The following WDR70 variants were observed in gnomAD, a reference collection of about 807,000 sequenced individuals.
The protein encoded by WDR70 is WD repeat-containing protein 70.
In WDR70, 53 loss-of-function variants were observed where a neutral mutation model predicts 88.6. The ratio of observed to expected loss-of-function variants is 0.60; its 90% CI spans 0.48 to 0.75. The LOEUF (loss-of-function observed/expected upper bound fraction) is 0.75. Ranked by LOEUF, WDR70 falls within the 30% of genes least tolerant of loss-of-function variation. WDR70 has a pLI of 0.00. For missense variants in WDR70, 610 were observed against 823.2 expected (o/e 0.74, Z 3.17); for synonymous variants, 280 against 270.0 (o/e 1.04, Z -0.36).
chr5:37,541,478 A>G (rs889956069), intron 9 of WDR70, among the ~76,000 whole-genome samples: 1 of 152,184 alleles, frequency 6.6e-6, no homozygotes, highest in Non-Finnish European at 1.5e-5. Flanking sequence ...AGTGTTTGTT[A>G]TTTTTATCTA....
At chr5:37,745,381 C>T (rs1413504208) in intron 17 of WDR70, among the ~76,000 whole-genome samples, 1 of 150,582 alleles carries the variant, frequency 6.6e-6, no homozygotes, top group Non-Finnish European at 1.5e-5. Context: ...TGCAAAGTAA[C>T]CAAATAGCAT....
intron 10 of WDR70, among the ~76,000 whole-genome samples, chr5:37,639,293 G>A (rs1485811714): frequency 6.6e-6 from 1 of 152,100 alleles, no homozygotes; most frequent in Non-Finnish European, 1.5e-5. Context: ...GGTGGATATG[G>A]AAATTATTAT....
intron 7 of WDR70, among the ~76,000 whole-genome samples, chr5:37,445,245 G>T (rs898758871): frequency 1.2e-4 from 18 of 152,008 alleles, no homozygotes; most frequent in African/African-American, 4.3e-4. Flanking sequence ...TTCCTTCATT[G>T]TAAAGTTAAT....
chr5:37,525,337 G>C (rs928027792), intron 9 of WDR70, among the ~76,000 whole-genome samples: 1 of 152,130 alleles, frequency 6.6e-6, no homozygotes, highest in Admixed American at 6.5e-5. Flanking sequence ...ACTCAAAACC[G>C]CTCAACTACC....
At chr5:37,397,481 A>G (rs912982927) in intron 5 of WDR70, among the ~76,000 whole-genome samples, 2 of 152,158 alleles carry the variant, frequency 1.3e-5, no homozygotes, top group Non-Finnish European at 2.9e-5. Flanking sequence ...AAAAAAAAAA[A>G]AAAAATCTAT....
At chr5:37,445,780 G>A (rs1738451145) in intron 7 of WDR70, among the ~76,000 whole-genome samples, 1 of 152,076 alleles carries the variant, frequency 6.6e-6, no homozygotes, top group Admixed American at 6.6e-5. Context: ...GGTATTGATG[G>A]GACATATCTC....
rs777929812 is a variant in WDR70 at position 37,752,576 on chromosome 5, A to T, written c.*3A>T. On this transcript the variant is annotated 3_prime_UTR_variant, in exon 18 of 18. Transcript: ENST00000265107. ...AATGGAAAAAACGTAAAATTTGAAGAATCTCATTTGAGAGCTGTTTGCATG... is the reference window on the plus strand; with the variant it reads ...AATGGAAAAAACGTAAAATTTGAAGTATCTCATTTGAGAGCTGTTTGCATG... 6.2e-7 allele frequency: 1 copy of T among 1,608,976 alleles called. No individual in the cohort carries two copies. The highest frequency in any genetic ancestry group is 1.7e-5 in the Admixed American group (1 of 59,696).
intron 10 of WDR70, among the ~76,000 whole-genome samples, chr5:37,647,727 CTTTG>C (rs1320749781): frequency 6.6e-6 from 1 of 152,196 alleles, no homozygotes; most frequent in African/African-American, 2.4e-5. Flanking sequence ...CCCAAACTTA[CTTTG>C]TTTGTTTCTC....
intron 9 of WDR70, among the ~76,000 whole-genome samples, chr5:37,587,483 A>G (rs1743394798): frequency 6.6e-6 from 1 of 151,902 alleles, no homozygotes; most frequent in African/African-American, 2.4e-5. Context: ...CAGCCACAGA[A>G]TCTCAGCTCT....
chr5:37,708,100 G>C (rs1747410834), intron 13 of WDR70, among the ~76,000 whole-genome samples: 1 of 148,740 alleles, frequency 6.7e-6, no homozygotes. Context: ...TTTTCTTTGG[G>C]ACGTTTTTTA....
intron 5 of WDR70, among the ~76,000 whole-genome samples, chr5:37,427,824 G>T (rs978440826): frequency 6.6e-6 from 1 of 152,128 alleles, no homozygotes. Flanking sequence ...AGCTGAGATC[G>T]TGCCACTGCA....
chr5:37,547,172 A>T (rs1173584375), intron 9 of WDR70, among the ~76,000 whole-genome samples: 1 of 152,102 alleles, frequency 6.6e-6, no homozygotes, highest in Non-Finnish European at 1.5e-5. Flanking sequence ...GTGTGTGGTG[A>T]CCCTGTTGGC....
In WDR70 at chr5:37,716,813, A is replaced by G. The variant is rs1180361051; in HGVS notation, c.1417-4302A>G. Among the ~76,000 whole-genome samples, 17 of 152,168 alleles carry G rather than the reference A, an allele frequency of 1.1e-4. 1 individual carries two copies. The highest frequency in any genetic ancestry group is 1.1e-3 in the Admixed American group (17 of 15,270). ...TTCCCTGGTTCCTCTAAAAGTAAAC[A>G]AAATAACCACAGAAATAAATTATTT... On this transcript the variant is annotated intron_variant, in intron 13 of 17. Coordinates refer to ENST00000265107, the MANE Select transcript of WDR70 (RefSeq NM_018034.4).
chr5:37,394,305 A>AG (rs1052219902), intron 4 of WDR70, among the ~76,000 whole-genome samples: 3 of 149,172 alleles, frequency 2.0e-5, no homozygotes, highest in African/African-American at 7.4e-5. Flanking sequence ...AAAAAAAAAA[A>AG]TCTGTTTTAA....
At chr5:37,410,193 GTTTT>G (rs952637754) in intron 5 of WDR70, among the ~76,000 whole-genome samples, 1 of 119,456 alleles carries the variant, frequency 8.4e-6, no homozygotes, top group Admixed American at 8.5e-5. Context: ...GAGTTTGTTA[GTTTT>G]TTTTTTTTTT....
In WDR70 at chr5:37,585,274, G is replaced by A. The variant is rs531498688; in HGVS notation, c.918-19790G>A. Among the ~76,000 whole-genome samples, 473 of 152,216 alleles carry A rather than the reference G, an allele frequency of 3.1e-3. 1 individual carries two copies. The highest frequency in any genetic ancestry group is 0.011 in the African/African-American group (445 of 41,526). On this transcript the variant is annotated intron_variant, in intron 9 of 17. Coordinates refer to ENST00000265107, the MANE Select transcript of WDR70 (RefSeq NM_018034.4). ...CAAAGTGCTGGGATTACAGGTGTGA[G>A]CTACCGCGCCCAGCCTCCTTGTCCA...
At chr5:37,663,562 C>T (rs1745757896) in intron 10 of WDR70, among the ~76,000 whole-genome samples, 1 of 152,048 alleles carries the variant, frequency 6.6e-6, no homozygotes, top group Non-Finnish European at 1.5e-5. Flanking sequence ...TAATTCTTGT[C>T]ATTCATCTCA....
intron 10 of WDR70, among the ~76,000 whole-genome samples, chr5:37,653,453 TA>T (rs1745461925): frequency 6.6e-6 from 1 of 152,216 alleles, no homozygotes; most frequent in Non-Finnish European, 1.5e-5. Context: ...GCTGGCCTCA[TA>T]AAATGAGTTA....
intron 7 of WDR70, among the ~76,000 whole-genome samples, chr5:37,473,343 C>CT (rs70978821): frequency 0.01 from 1,183 of 117,208 alleles, 26 homozygotes; most frequent in African/African-American, 0.031. Context: ...TATTCATATT[C>CT]TTTTTTTTTT....
Sources: gnomAD v4.1 joint callset for allele counts (sites outside exome capture counted in the v4.1 genomes callset) on GRCh38, gnomAD v4.1.1 for gene constraint, MANE v1.5 for transcripts, NCBI Gene and HGNC (gene_info 2026-07-23, HGNC 2026-07-21) for gene names.